RBM19: variants seen among roughly 807,000 people sequenced by gnomAD.
RBM19 encodes RNA binding motif protein 19.
A neutral mutation model predicts 116.8 loss-of-function variants in RBM19; 94 were observed. The observed-to-expected ratio is 0.80, with a 90% CI of 0.68 to 0.95. The LOEUF (loss-of-function observed/expected upper bound fraction) is 0.95, where lower values mean the gene tolerates loss of function less well. Ranked by LOEUF, RBM19 falls within the 40% of genes least tolerant of loss-of-function variation. The probability of loss-of-function intolerance (pLI) is 0.00; values close to 1 mark genes in which losing one functional copy is unlikely to be tolerated. For missense variants in RBM19, 1,161 were observed against 1,220.7 expected, an observed-to-expected ratio of 0.95 and a Z score of 0.73; for synonymous variants, 475 against 494.1, an observed-to-expected ratio of 0.96 and a Z score of 0.51.
At chr12:113,858,264 G>A (rs1296140138) in intron 22 of RBM19, among the ~76,000 whole-genome samples, 1 of 152,226 alleles carries the variant, frequency 6.6e-6, no homozygotes, top group Non-Finnish European at 1.5e-5. Flanking sequence ...GAGGGATTTC[G>A]GTATGCACGC....
chr12:113,836,033 T>A (rs1211045367), intron 23 of RBM19, among the ~76,000 whole-genome samples: 2 of 152,210 alleles, frequency 1.3e-5, no homozygotes, highest in East Asian at 3.9e-4. Context: ...CTCGATGCCG[T>A]GACCCTGCTG....
chr12:113,905,510 A>G (rs1236495442), intron 21 of RBM19, among the ~76,000 whole-genome samples: 1 of 152,194 alleles, frequency 6.6e-6, no homozygotes, highest in Non-Finnish European at 1.5e-5. Context: ...CTTTTAGAGA[A>G]AAATATAGGT....
At chr12:113,868,439 T>C (rs1399871637) in intron 21 of RBM19, among the ~76,000 whole-genome samples, 1 of 152,252 alleles carries the variant, frequency 6.6e-6, no homozygotes, top group African/African-American at 2.4e-5. Context: ...TTCTTGAACT[T>C]GTCCTGAAAG....
chr12:113,822,016 G>C (rs944851778), downstream of RBM19: 1 of 152,170 alleles, frequency 6.6e-6, no homozygotes, highest in African/African-American at 2.4e-5. Context: ...TCACTTGGAG[G>C]CCCACCCAGT....
chr12:113,877,983 T>C (rs1879790560), intron 21 of RBM19, among the ~76,000 whole-genome samples: 1 of 152,192 alleles, frequency 6.6e-6, no homozygotes, highest in African/African-American at 2.4e-5. Context: ...CTACTAAATA[T>C]TTGGGGTAAA....
At chr12:113,932,280 T>C (rs182131137) in intron 16 of RBM19, among the ~76,000 whole-genome samples, 14 of 152,276 alleles carry the variant, frequency 9.2e-5, no homozygotes, top group Admixed American at 4.6e-4. Flanking sequence ...TGAGAATGAA[T>C]GCAGAGCAGG....
chr12:113,870,279 G>A (rs935839214), intron 21 of RBM19, among the ~76,000 whole-genome samples: 3 of 152,180 alleles, frequency 2.0e-5, no homozygotes, highest in Non-Finnish European at 4.4e-5. Flanking sequence ...CTGGATTCAG[G>A]GTGGCCGCTC....
intron 23 of RBM19, among the ~76,000 whole-genome samples, chr12:113,830,593 G>GGGGGGT (rs1875325701): frequency 1.7e-5 from 1 of 57,968 alleles, no homozygotes; most frequent in African/African-American, 6.7e-5. Context: ...GGGGGGGTGG[G>GGGGGGT]CTATGCCTGG....
At chr12:113,829,387 C>T (rs1037549353) in intron 23 of RBM19, among the ~76,000 whole-genome samples, 1 of 152,234 alleles carries the variant, frequency 6.6e-6, no homozygotes, top group East Asian at 1.9e-4. Flanking sequence ...AGACTGGCCT[C>T]TGCCACTGTG....
At chr12:113,819,590 C>G (rs761580304), downstream of RBM19, among the ~76,000 whole-genome samples, 5 of 152,308 alleles carry the variant, frequency 3.3e-5, no homozygotes, top group Non-Finnish European at 5.9e-5. Flanking sequence ...TTCTGGGTGT[C>G]TGTGTCTACC....
At chr12:113,913,015 A>T (rs763338966) in intron 21 of RBM19, among the ~76,000 whole-genome samples, 2 of 152,144 alleles carry the variant, frequency 1.3e-5, no homozygotes, top group African/African-American at 4.8e-5. Flanking sequence ...GAACAATGGC[A>T]AGGAGAAGAG....
At chr12:113,908,066 C>G (rs191490109) in intron 21 of RBM19, among the ~76,000 whole-genome samples, 103 of 152,224 alleles carry the variant, frequency 6.8e-4, no homozygotes, top group Admixed American at 6.3e-3. Context: ...CCTTTGAGAA[C>G]TTGGCTAAGG....
At chr12:113,826,878 TTGA>T (rs1169637085) in intron 23 of RBM19, among the ~76,000 whole-genome samples, 1 of 152,196 alleles carries the variant, frequency 6.6e-6, no homozygotes, top group African/African-American at 2.4e-5. Flanking sequence ...CTTTGTGGCC[TTGA>T]TGAACCAAAA....
Position 113,949,045 on chromosome 12 carries a change from A to G in RBM19, c.1073-9T>C. The G allele has an allele frequency of 1.9e-6, 3 of 1,609,258 alleles. No homozygotes were observed. Among genetic ancestry groups the G allele is most frequent in the Non-Finnish European group, 2.6e-6 (3 of 1,176,354 alleles). On this transcript the variant is annotated splice_polypyrimidine_tract_variant and intron_variant, in intron 9 of 23. Transcript: ENST00000261741. Reference sequence around the variant, plus strand: ...CTCGATGTAGCGCCCACCTGCAATGAAGAGGAGTCAGGGCTCCAGGGGGAG... The same window carrying G: ...CTCGATGTAGCGCCCACCTGCAATGGAGAGGAGTCAGGGCTCCAGGGGGAG...
chr12:113,874,433 C>T (rs930792946), intron 21 of RBM19, among the ~76,000 whole-genome samples: 9 of 152,194 alleles, frequency 5.9e-5, no homozygotes, highest in African/African-American at 1.2e-4. Flanking sequence ...GCTCTACACG[C>T]GCTGCCTCCC....
Position 113,924,581 on chromosome 12 carries a change from C to T in RBM19, c.2305+116G>A, listed in dbSNP as rs73397090. ...TGACCATGCTTCAGAAAAAAGAGAA[C>T]CTTCAAAATGTGCAAGGGAGAACTA... On this transcript the variant is annotated intron_variant, in intron 18 of 23. Coordinates refer to ENST00000261741, the MANE Select transcript of RBM19 (RefSeq NM_016196.4). The T allele has an allele frequency of 1.3e-3, 1,218 of 913,288 alleles. 11 individuals carry two copies. The African/African-American group carries it at 0.016, about 12-fold the overall frequency. 56.6% of individuals were successfully genotyped at this position (913,288 alleles called of 1,614,324 possible). A position where few individuals can be genotyped will look rare whatever the true frequency, so the allele number is the denominator to read the frequency against.
chr12:113,922,147 G>A (rs1024297330), intron 18 of RBM19, among the ~76,000 whole-genome samples: 2 of 152,170 alleles, frequency 1.3e-5, no homozygotes, highest in African/African-American at 4.8e-5. Context: ...CTGGTCACAC[G>A]TTTTCCTTTA....
intron 21 of RBM19, among the ~76,000 whole-genome samples, chr12:113,892,432 C>T (rs1174181591): frequency 6.6e-6 from 1 of 152,172 alleles, no homozygotes; most frequent in Non-Finnish European, 1.5e-5. Flanking sequence ...GGCATTTGCT[C>T]AATTTCCCAA....
rs11830033 is a variant in RBM19 at position 113,925,826 on chromosome 12, G to C, written c.2245-1069C>G. Among the ~76,000 whole-genome samples the C allele has an allele frequency of 8.5e-3, 1,291 of 152,236 alleles. 17 individuals are homozygous for C. Among genetic ancestry groups the C allele is most frequent in the African/African-American group, 0.026 (1,089 of 41,544 alleles). ...CCAGGAAACAATGATCCCGGATAAT[G>C]ATGTTCCCATACCAGACCCGCACCA... On this transcript the variant is annotated intron_variant, in intron 17 of 23. Transcript: ENST00000261741.
Sources: gnomAD v4.1 joint callset for allele counts (sites outside exome capture counted in the v4.1 genomes callset) on GRCh38, gnomAD v4.1.1 for gene constraint, MANE v1.5 for transcripts, NCBI Gene and HGNC (gene_info 2026-07-23, HGNC 2026-07-21) for gene names.